COL6A3: variants seen among roughly 807,000 people sequenced by gnomAD.
COL6A3 encodes collagen alpha-3(VI) chain.
COL6A3 carries 137 observed loss-of-function variants against 274.1 expected under a neutral mutation model. The observed-to-expected ratio is 0.50, with a 90% CI of 0.44 to 0.58. COL6A3 has a LOEUF of 0.58. Ranked by LOEUF, COL6A3 falls within the 20% of genes least tolerant of loss-of-function variation. The pLI, the probability that COL6A3 is intolerant of heterozygous loss-of-function variation, is 0.00. For synonymous variants in COL6A3, 1,650 were observed against 1,650.6 expected (o/e 1.00, Z 0.01); for missense variants, 3,950 against 4,124.9 (o/e 0.96, Z 1.16).
At position 237,325,663 on chromosome 2, in the gene COL6A3, A is replaced by G. The variant is rs1163175100; in HGVS notation, c.9390T>C (p.Tyr3130=). 1 of 1,614,158 alleles carries G rather than the reference A, an allele frequency of 6.2e-7. No individual in the cohort carries two copies. Among genetic ancestry groups the G allele is most frequent in the African/African-American group, 1.3e-5 (1 of 75,054 alleles). ...TTGCACAGCTTTTGGTGTTTGGATCATAGTACCATTTTAATATGAAATCCC... is the reference window on the plus strand; with the variant it reads ...TTGCACAGCTTTTGGTGTTTGGATCGTAGTACCATTTTAATATGAAATCCC... ...TCRDFILKWY[Y]DPNTKSCARF... is the part of the protein sequence containing the mutation. The change falls in exon 43 of 44, where the codon TAT becomes TAC. Residue 3130 remains tyrosine, a synonymous_variant. Transcript: ENST00000295550.
chr2:237,335,422 A>G (rs1297255419), intron 40 of COL6A3, among the ~76,000 whole-genome samples: 1 of 152,242 alleles, frequency 6.6e-6, no homozygotes, highest in Non-Finnish European at 1.5e-5. Context: ...GTCTCATTAA[A>G]GCCATCTACC....
chr2:237,366,710 G>T lies in COL6A3; in HGVS notation c.5477C>A (p.Pro1826His). The T allele has an allele frequency of 6.2e-7, 1 of 1,614,236 alleles. No individual in the cohort carries two copies. Among genetic ancestry groups the T allele is most frequent in the Non-Finnish European group, 8.5e-7 (1 of 1,180,046 alleles). ...ACCTTTGGCAGCATCAGTTACACCA[G>T]GGCAAAGGGTTTCATGCATCGCATC... ...LHDAMHETLCPGVTDAAKACN... is the reference protein window; with the variant it reads ...LHDAMHETLCHGVTDAAKACN... The change falls in exon 11 of 44, where the codon CCT (proline) becomes CAT (histidine). Residue 1826 changes from proline (P) to histidine (H), a missense_variant. By Grantham distance (77) the Pro-to-His change is moderately conservative. Transcript: ENST00000295550.
rs201456189 is a variant in COL6A3, at chr2:237,376,768, A to G, written c.3070+4T>C. 5 of 1,613,836 alleles carry G rather than the reference A, an allele frequency of 3.1e-6. No homozygotes were observed. Among genetic ancestry groups the G allele is most frequent in the Non-Finnish European group, 4.2e-6 (5 of 1,179,816 alleles). ...GCAGAGCAACTAGCATTTCTCTACC[A>G]TACCTGGTGCTGGTGCTCCGTTGTG... On this transcript the variant is annotated splice_donor_region_variant and intron_variant, in intron 7 of 43. Transcript: ENST00000295550.
intron 24 of COL6A3, 140 bp from the exon 25 acceptor site, chr2:237,353,543 A>G: frequency 4.1e-6 from 3 of 737,018 alleles, no homozygotes; most frequent in Non-Finnish European, 7.2e-6. Flanking sequence ...ACAGATGATC[A>G]AAGCGGTAAC....
At chr2:237,350,679 A>G (rs1185695396) in intron 27 of COL6A3, among the ~76,000 whole-genome samples, 9 of 152,220 alleles carry the variant, frequency 5.9e-5, no homozygotes, top group Admixed American at 5.9e-4. Flanking sequence ...TATCCAGGAC[A>G]GTCAGGGTCG....
chr2:237,369,644 G>C (rs1475322980), intron 9 of COL6A3, among the ~76,000 whole-genome samples: 3 of 152,190 alleles, frequency 2.0e-5, no homozygotes, highest in African/African-American at 7.2e-5. Context: ...GACCCCTGAG[G>C]AGCCCAACAC....
chr2:237,377,444 C>T (rs1419531138), intron 6 of COL6A3, 100 bp from the exon 7 acceptor site: 2 of 1,147,450 alleles, frequency 1.7e-6, no homozygotes, highest in Admixed American at 1.8e-5. Flanking sequence ...GTTGGTGAAA[C>T]TCATCTGATG....
intron 3 of COL6A3, among the ~76,000 whole-genome samples, chr2:237,393,047 C>T (rs976486655): frequency 2.6e-5 from 4 of 152,218 alleles, no homozygotes; most frequent in African/African-American, 9.6e-5. Context: ...CCCATTCCAG[C>T]TCTCATTAGC....
At chr2:237,357,275 T>C (rs1323281266) in intron 23 of COL6A3, 63 bp downstream of exon 23, 3 of 1,418,884 alleles carry the variant, frequency 2.1e-6, no homozygotes, top group Non-Finnish European at 3.0e-6. Context: ...CCAGGTCATG[T>C]TGGGCAGATC....
chr2:237,366,902 A>G lies in COL6A3; in HGVS notation c.5285T>C (p.Val1762Ala), dbSNP rs1422905912. The G allele has an allele frequency of 2.5e-6, 4 of 1,614,198 alleles. No homozygotes were observed. Among genetic ancestry groups the G allele is most frequent in the Non-Finnish European group, 3.4e-6 (4 of 1,180,034 alleles). Residue 1762 changes from valine (V) to alanine (A), a missense_variant, in exon 11 of 44, where the codon GTG becomes GCG. Transcript: ENST00000295550. Reference protein sequence around the residue: ...GGKSVEDAQDVSLALTQRGVK... With the variant: ...GGKSVEDAQDASLALTQRGVK... ...CCCCCTCTGGGTGAGGGCCAGGCTC[A>G]CATCCTGTGCATCTTCCACCGACTT...
chr2:237,330,474 T>G (rs779461825), intron 42 of COL6A3, among the ~76,000 whole-genome samples: 2 of 152,196 alleles, frequency 1.3e-5, no homozygotes, highest in Non-Finnish European at 2.9e-5. Context: ...GAGATGTTTT[T>G]GTGGGGGTTC....
chr2:237,367,393 T>C, intron 10 of COL6A3, 107 bp from the exon 11 acceptor site: 1 of 1,352,194 alleles, frequency 7.4e-7, no homozygotes, highest in Non-Finnish European at 1.0e-6. Flanking sequence ...TCCTAATAAT[T>C]TATTCACAGT....
rs1203848952 is a variant in COL6A3, at chr2:237,368,834, G to T, written c.4629C>A (p.His1543Gln). 2 of 1,614,218 alleles carry T rather than the reference G, an allele frequency of 1.2e-6. No individual in the cohort carries two copies. The highest frequency in any genetic ancestry group is 1.7e-6 in the Non-Finnish European group (2 of 1,180,036). ...ATTTTCCACCCAGGACCAGGACCAG[G>T]TGTTGGGGCACCCCGTCTTCTATGC... Reference protein sequence around the residue: ...GSRIEDGVPQHLVLVLGGKSQ... With the variant: ...GSRIEDGVPQQLVLVLGGKSQ... The change falls in exon 10 of 44, where the codon CAC (histidine) becomes CAA (glutamine). Residue 1543 changes from histidine to glutamine, a missense_variant. His to Gln is a conservative substitution (Grantham distance 24). This residue lies in a region of COL6A3 where 8 missense variants were observed against 24.0 expected (regional missense o/e 0.33). Transcript: ENST00000295550. The surrounding 1 kb of genome is among the most constrained non-coding windows in gnomAD (Gnocchi z 4.4).
In COL6A3 at chr2:237,369,058, C is replaced by G. The variant is rs771199614; in HGVS notation, c.4405G>C (p.Gly1469Arg). 3.7e-6 allele frequency: 6 copies of G among 1,614,150 alleles called. No homozygotes were observed. In the South Asian group the frequency reaches 5.5e-5, roughly 15 times the overall value. ...VSRIVRRLNI[G>R]PSKVRVGVVQ... ...ACCCCAACTCTCACTTTACTGGGGCCGATGTTGAGTCTTCGAACAATCCTG... is the reference window on the plus strand; with the variant it reads ...ACCCCAACTCTCACTTTACTGGGGCGGATGTTGAGTCTTCGAACAATCCTG... Residue 1469 changes from glycine to arginine, a missense_variant, in exon 10 of 44, where the codon GGC (glycine) becomes CGC (arginine). Gly to Arg is a moderately radical substitution (Grantham distance 125). Transcript: ENST00000295550.
In COL6A3 at chr2:237,394,507, GT is replaced by G. The variant is rs1018415265; in HGVS notation, c.709+79del. On this transcript the variant is annotated intron_variant, in intron 3 of 43. Coordinates refer to ENST00000295550, the MANE Select transcript of COL6A3 (RefSeq NM_004369.4). ...CCCTGGCCCACCCGCCATCCTAGCT[GT>G]TGCTTTAAGGCCAGCAGTTGCCAAG... 3 of 1,588,242 alleles carry G rather than the reference GT, an allele frequency of 1.9e-6. No individual in the cohort carries two copies. In the Admixed American group the frequency reaches 5.0e-5, roughly 27 times the overall value.
chr2:237,326,764 G>GC (rs1699967705), intron 42 of COL6A3: 1 of 152,238 alleles, frequency 6.6e-6, no homozygotes, highest in South Asian at 2.1e-4. Context: ...GCTGCTCACA[G>GC]CTGCGGAGGT....
intron 42 of COL6A3, chr2:237,329,361 T>C (rs1700109634): frequency 6.6e-6 from 1 of 152,236 alleles, no homozygotes; most frequent in Non-Finnish European, 1.5e-5. Context: ...GGCCAATTTT[T>C]AACTTTATTT....
intron 4 of COL6A3, among the ~76,000 whole-genome samples, chr2:237,382,799 T>G (rs2078041059): frequency 6.6e-6 from 1 of 152,188 alleles, no homozygotes; most frequent in African/African-American, 2.4e-5. Context: ...ATTTTTATTT[T>G]TATTTTAGGA....
In COL6A3 at chr2:237,377,355, G is replaced by A; in HGVS notation, c.2498-11C>T. The A allele has an allele frequency of 6.3e-7, 1 of 1,599,516 alleles. No homozygotes were observed. The highest frequency in any genetic ancestry group is 1.1e-5 in the South Asian group (1 of 91,060). On this transcript the variant is annotated splice_polypyrimidine_tract_variant and intron_variant, in intron 6 of 43. Transcript: ENST00000295550. ...TGTCTCGCTTGCTCTCTGCAATGAAGGTAGATTAGGATACAATGAGGGACG... is the reference window on the plus strand; with the variant it reads ...TGTCTCGCTTGCTCTCTGCAATGAAAGTAGATTAGGATACAATGAGGGACG...
Sources: allele counts gnomAD v4.1 joint callset (sites outside exome capture counted in the v4.1 genomes callset), GRCh38; gene constraint gnomAD v4.1.1; regional missense constraint gnomAD v4.1.1; non-coding constraint Gnocchi (gnomAD v3.1); transcripts MANE v1.5; gene names NCBI Gene and HGNC (gene_info 2026-07-23, HGNC 2026-07-21).